Variants in DMGDH observed in about 807,000 individuals in gnomAD.
The protein encoded by DMGDH is dimethylglycine dehydrogenase.
Under a neutral mutation model 95.2 loss-of-function variants are expected in DMGDH, and 76 were observed. The ratio of observed to expected loss-of-function variants is 0.80; its 90% CI spans 0.66 to 0.97. The LOEUF is 0.97. Among genes scored for constraint, DMGDH ranks in the 50% least tolerant of loss-of-function variants. The pLI, the probability that DMGDH is intolerant of heterozygous loss-of-function variation, is 0.00. For synonymous variants in DMGDH, 345 were observed against 377.6 expected, an observed-to-expected ratio of 0.91 and a Z score of 1.00; for missense variants, 987 against 1,055.0, an observed-to-expected ratio of 0.94 and a Z score of 0.89.
At chr5:79,035,560 C>T (rs1179461142) in intron 7 of DMGDH, among the ~76,000 whole-genome samples, 1 of 152,170 alleles carries the variant, frequency 6.6e-6, no homozygotes, top group Non-Finnish European at 1.5e-5. Flanking sequence ...AGTCTTTGTT[C>T]AGCCAAGACA....
chr5:79,003,778 C>A (rs1753496098), intron 15 of DMGDH, among the ~76,000 whole-genome samples: 1 of 152,070 alleles, frequency 6.6e-6, no homozygotes. Flanking sequence ...GAAACCCCAT[C>A]TCTACTAAAA....
At chr5:79,016,321 C>T (rs1753734026) in intron 14 of DMGDH, among the ~76,000 whole-genome samples, 1 of 151,790 alleles carries the variant, frequency 6.6e-6, no homozygotes, top group Non-Finnish European at 1.5e-5. Context: ...TTTTATACAA[C>T]ATGATTGTCC....
At chr5:79,021,914 C>T (rs956511575) in intron 14 of DMGDH, among the ~76,000 whole-genome samples, 1 of 152,094 alleles carries the variant, frequency 6.6e-6, no homozygotes, top group Non-Finnish European at 1.5e-5. Context: ...AGTGGCCTCC[C>T]CCAGGTCACT....
intron 14 of DMGDH, among the ~76,000 whole-genome samples, chr5:79,018,420 C>T (rs1017014668): frequency 4.0e-5 from 6 of 151,722 alleles, no homozygotes; most frequent in African/African-American, 1.5e-4. Context: ...AGTATATACT[C>T]TATGATTCCA....
chr5:79,031,035 G>T lies in DMGDH; in HGVS notation c.1518-37C>A, dbSNP rs182000193. 9 of 1,611,740 alleles carry T rather than the reference G, an allele frequency of 5.6e-6. No homozygotes were observed. The East Asian group carries it at 1.8e-4, about 32-fold the overall frequency. On this transcript the variant is annotated intron_variant, in intron 9 of 15. Coordinates refer to ENST00000255189, the MANE Select transcript of DMGDH (RefSeq NM_013391.3). ...CATTTAGTGTCATAAAACAACTCCC[G>T]TTCATTTTTCAAAAATTACAGAATA...
intron 13 of DMGDH, among the ~76,000 whole-genome samples, chr5:79,026,177 G>C (rs1753995655): frequency 6.6e-6 from 1 of 152,152 alleles, no homozygotes; most frequent in Non-Finnish European, 1.5e-5. Flanking sequence ...CAAAGTCCAA[G>C]ACAGTTATCT....
At chr5:79,019,306 C>G (rs1024061853) in intron 14 of DMGDH, among the ~76,000 whole-genome samples, 1 of 152,172 alleles carries the variant, frequency 6.6e-6, no homozygotes, top group Non-Finnish European at 1.5e-5. Context: ...GGAATAGGCT[C>G]TAGATCTATT....
At chr5:79,009,970 T>C (rs62377918) in intron 14 of DMGDH, among the ~76,000 whole-genome samples, 17,311 of 152,256 alleles carry the variant, frequency 0.11, 1,410 homozygotes, top group Non-Finnish European at 0.18. Context: ...AAATTAACTA[T>C]ATAAATAGCT....
chr5:79,005,443 C>T (rs1171678056), intron 14 of DMGDH, 36 bp from the exon 15 acceptor site: 6 of 1,613,614 alleles, frequency 3.7e-6, no homozygotes, highest in Non-Finnish European at 5.1e-6. Flanking sequence ...TGAATGAATG[C>T]TCAGACACTG....
In DMGDH at chr5:79,063,739, T is replaced by C; in HGVS notation, c.150A>G (p.Ala50=). The C allele has an allele frequency of 1.2e-6, 2 of 1,614,238 alleles. No homozygotes were observed. Among genetic ancestry groups the C allele is most frequent in the African/African-American group, 2.7e-5 (2 of 75,056 alleles). The change falls in exon 2 of 16, where the codon GCA becomes GCG. Residue 50 remains alanine, a synonymous_variant. Coordinates refer to ENST00000255189, the MANE Select transcript of DMGDH (RefSeq NM_013391.3). ...AGCCACCTCCAATTATCACTGTTTC[T>C]GCTCTGTCTTTCCATTGTGTTTCTG... ...LSAETQWKDR[A]ETVIIGGGCV... is the part of the protein sequence containing the mutation.
rs758559318 is a variant in DMGDH at position 79,054,913 on chromosome 5, T to C, written c.376-565A>G. Among the ~76,000 whole-genome samples, 5 of 151,990 alleles carry C rather than the reference T, an allele frequency of 3.3e-5. No homozygotes were observed. The South Asian group carries it at 8.3e-4, about 25-fold the overall frequency. On this transcript the variant is annotated intron_variant, in intron 3 of 15. Coordinates refer to ENST00000255189, the MANE Select transcript of DMGDH (RefSeq NM_013391.3). The stretch of plus-strand genomic sequence containing the variant: ...CCAACAAGTAAATCAACAATTACAA[T>C]AGAGAGAGATTCAAGTTATAAAAGA...
intron 15 of DMGDH, among the ~76,000 whole-genome samples, chr5:79,002,304 AAG>A (rs777936346): frequency 5.3e-5 from 8 of 152,228 alleles, no homozygotes; most frequent in Non-Finnish European, 8.8e-5. Context: ...ACTTCCTTCC[AAG>A]CTAAGCATCT....
At chr5:79,040,081 A>G (rs1754464739) in intron 7 of DMGDH, among the ~76,000 whole-genome samples, 1 of 152,166 alleles carries the variant, frequency 6.6e-6, no homozygotes, top group Admixed American at 6.5e-5. Flanking sequence ...ATCTGAGGAG[A>G]GGGTTGTGGG....
chr5:79,032,092 AATAT>A (rs1009817174), intron 9 of DMGDH, among the ~76,000 whole-genome samples: 4 of 152,240 alleles, frequency 2.6e-5, no homozygotes, highest in Non-Finnish European at 4.4e-5. Context: ...TTGAGAAAAA[AATAT>A]ATAATCACTA....
At chr5:79,024,393 T>C (rs1165504612) in intron 13 of DMGDH, 63 bp from the exon 14 acceptor site, 8 of 1,442,170 alleles carry the variant, frequency 5.5e-6, no homozygotes, top group Non-Finnish European at 7.8e-6. Context: ...AACATCACTT[T>C]CATATTTGTT....
At chr5:79,047,882 T>C (rs1754727322) in intron 5 of DMGDH, among the ~76,000 whole-genome samples, 2 of 152,186 alleles carry the variant, frequency 1.3e-5, no homozygotes, top group African/African-American at 4.8e-5. Context: ...CCAGAACACC[T>C]GAATTAGAAT....
chr5:78,998,864 T>A (rs950550699), intron 15 of DMGDH, among the ~76,000 whole-genome samples: 1 of 151,588 alleles, frequency 6.6e-6, no homozygotes, highest in African/African-American at 2.4e-5. Context: ...AAAGTCTATA[T>A]AACAAGCTTG....
chr5:79,024,389 A>T, intron 13 of DMGDH, 59 bp from the exon 14 acceptor site: 3 of 1,455,778 alleles, frequency 2.1e-6, no homozygotes, highest in Non-Finnish European at 1.9e-6. Flanking sequence ...TGGTAACATC[A>T]CTTTCATATT....
chr5:79,058,671 T>C (rs1055605875), intron 2 of DMGDH, among the ~76,000 whole-genome samples: 5 of 152,092 alleles, frequency 3.3e-5, no homozygotes, highest in Non-Finnish European at 5.9e-5. Context: ...GAAGGGAAGA[T>C]GAAACGGAGA....
Sources: allele counts gnomAD v4.1 joint callset (sites outside exome capture counted in the v4.1 genomes callset), GRCh38; gene constraint gnomAD v4.1.1; transcripts MANE v1.5; gene names NCBI Gene and HGNC (gene_info 2026-07-23, HGNC 2026-07-21).